ARL15: variants seen among roughly 807,000 people sequenced by gnomAD.
ARL15 encodes ARF like GTPase 15, also known as ADP-ribosylation factor-like protein 15.
A neutral mutation model predicts 25.2 loss-of-function variants in ARL15; 19 were observed. The observed-to-expected ratio is 0.75, with a 90% CI of 0.53 to 1.10. The LOEUF is 1.10. ARL15 is among the 50% of genes least tolerant of loss of function. The probability of loss-of-function intolerance (pLI) is 0.00; values close to 1 mark genes in which losing one functional copy is unlikely to be tolerated. For missense variants in ARL15, 220 were observed against 246.0 expected, an observed-to-expected ratio of 0.89 and a Z score of 0.71; for synonymous variants, 94 against 86.8, an observed-to-expected ratio of 1.08 and a Z score of -0.46.
chr5:54,143,755 A>G (rs1403216136), intron 3 of ARL15, among the ~76,000 whole-genome samples: 2 of 152,050 alleles, frequency 1.3e-5, no homozygotes, highest in Non-Finnish European at 2.9e-5. Flanking sequence ...TTCATGCACT[A>G]CAGATAAAGC....
At chr5:54,133,432 C>G (rs963977737) in intron 3 of ARL15, among the ~76,000 whole-genome samples, 9 of 152,076 alleles carry the variant, frequency 5.9e-5, no homozygotes, top group African/African-American at 2.2e-4. Flanking sequence ...GAGAAAGTGG[C>G]AAGTGCTGGC....
intron 1 of ARL15, among the ~76,000 whole-genome samples, chr5:54,228,425 G>C (rs1156999842): frequency 1.3e-5 from 2 of 152,076 alleles, no homozygotes; most frequent in African/African-American, 4.8e-5. Context: ...TCAAACAGGT[G>C]AATTTACTCA....
At chr5:54,036,451 C>T (rs546785565) in intron 4 of ARL15, among the ~76,000 whole-genome samples, 3 of 151,962 alleles carry the variant, frequency 2.0e-5, no homozygotes, top group Non-Finnish European at 4.4e-5. Flanking sequence ...CTACATATTC[C>T]AATACTGACT....
intron 4 of ARL15, among the ~76,000 whole-genome samples, chr5:53,926,442 A>G (rs1211046342): frequency 6.6e-6 from 1 of 152,130 alleles, no homozygotes; most frequent in African/African-American, 2.4e-5. Context: ...CACTTCATCC[A>G]AAGCACAGAC....
intron 4 of ARL15, among the ~76,000 whole-genome samples, chr5:53,909,054 A>C (rs775116863): frequency 6.6e-6 from 1 of 152,206 alleles, no homozygotes; most frequent in Non-Finnish European, 1.5e-5. Flanking sequence ...AGTAATAACA[A>C]TGTTTCCCCT....
intron 1 of ARL15, among the ~76,000 whole-genome samples, chr5:54,302,781 G>C (rs1212520695): frequency 1.4e-5 from 2 of 145,588 alleles, no homozygotes; most frequent in Admixed American, 1.5e-4. Flanking sequence ...TGCATGGCTG[G>C]GAAGCCAGCC....
At chr5:54,200,379 T>C (rs1009338719) in intron 1 of ARL15, among the ~76,000 whole-genome samples, 2 of 149,624 alleles carry the variant, frequency 1.3e-5, no homozygotes, top group African/African-American at 4.9e-5. Flanking sequence ...AAATAGAGCA[T>C]AATTGTGTAT....
chr5:54,099,183 T>C (rs926459144), intron 4 of ARL15, among the ~76,000 whole-genome samples: 5 of 152,176 alleles, frequency 3.3e-5, no homozygotes, highest in African/African-American at 1.2e-4. Context: ...ATTCTATATT[T>C]GCATTTGTAC....
chr5:54,006,156 A>T (rs1215112573), intron 4 of ARL15, among the ~76,000 whole-genome samples: 3 of 152,084 alleles, frequency 2.0e-5, no homozygotes, highest in Non-Finnish European at 4.4e-5. Context: ...TGAATCCAGA[A>T]GCCTGGTTCC....
At chr5:54,284,536 G>C (rs956531548) in intron 1 of ARL15, among the ~76,000 whole-genome samples, 3 of 152,226 alleles carry the variant, frequency 2.0e-5, no homozygotes, top group Non-Finnish European at 2.9e-5. Flanking sequence ...CCTATCATGA[G>C]AGAATTAACT....
chr5:53,940,387 A>G (rs1746505917), intron 4 of ARL15, among the ~76,000 whole-genome samples: 5 of 152,312 alleles, frequency 3.3e-5, no homozygotes, highest in Middle Eastern at 6.8e-3. Context: ...AAACACCATA[A>G]CCTTTTGTCT....
At chr5:54,010,591 CAATA>C (rs1749202986) in intron 4 of ARL15, among the ~76,000 whole-genome samples, 1 of 152,120 alleles carries the variant, frequency 6.6e-6, no homozygotes, top group Non-Finnish European at 1.5e-5. Flanking sequence ...TAATAACCTG[CAATA>C]CAAAGCCCAA....
chr5:54,268,580 T>C (rs908635867), intron 1 of ARL15, among the ~76,000 whole-genome samples: 6 of 152,208 alleles, frequency 3.9e-5, no homozygotes, highest in East Asian at 1.9e-4. Context: ...GCTCTGTTTT[T>C]TCCCCATCTT....
At chr5:54,026,712 C>T (rs7737632) in intron 4 of ARL15, among the ~76,000 whole-genome samples, 7,154 of 152,208 alleles carry the variant, frequency 0.047, 227 homozygotes, top group Middle Eastern at 0.079. Flanking sequence ...TGAGGCCTAC[C>T]ATCATCACAA....
intron 4 of ARL15, among the ~76,000 whole-genome samples, chr5:54,048,788 G>A (rs1750612164): frequency 7.3e-6 from 1 of 136,134 alleles, no homozygotes; most frequent in Non-Finnish European, 1.5e-5. Flanking sequence ...GGTTGACTAT[G>A]CTATAGGAAA....
At chr5:54,292,227 T>A (rs984611855) in intron 1 of ARL15, among the ~76,000 whole-genome samples, 3 of 149,742 alleles carry the variant, frequency 2.0e-5, no homozygotes, top group South Asian at 2.2e-4. Flanking sequence ...AGCCCTCCCC[T>A]CCCTCCCTTG....
At chr5:54,056,094 G>C (rs1251943637) in intron 4 of ARL15, among the ~76,000 whole-genome samples, 1 of 152,084 alleles carries the variant, frequency 6.6e-6, no homozygotes, top group Non-Finnish European at 1.5e-5. Context: ...ACAATGCAGG[G>C]TTACTATGGT....
intron 1 of ARL15, among the ~76,000 whole-genome samples, chr5:54,217,861 C>T (rs1245324018): frequency 1.3e-5 from 2 of 151,978 alleles, no homozygotes; most frequent in South Asian, 2.1e-4. Context: ...GACTAAATTA[C>T]GACTAAGAAT....
At chr5:54,201,537 G>A (rs938888866) in intron 1 of ARL15, among the ~76,000 whole-genome samples, 12 of 152,076 alleles carry the variant, frequency 7.9e-5, no homozygotes, top group East Asian at 1.9e-4. Context: ...GGTGATGTCT[G>A]ATCACCCCAG....
Sources: allele counts gnomAD v4.1 joint callset (sites outside exome capture counted in the v4.1 genomes callset), GRCh38; gene constraint gnomAD v4.1.1; transcripts MANE v1.5; gene names NCBI Gene and HGNC (gene_info 2026-07-23, HGNC 2026-07-21).